DGKD: variants seen among roughly 807,000 people sequenced by gnomAD.
DGKD encodes the protein diacylglycerol kinase delta, also known as DAG kinase delta.
In DGKD, 68 loss-of-function variants were observed where a neutral mutation model predicts 154.4. That is an observed-to-expected ratio of 0.44 (90% CI 0.36 to 0.54). The LOEUF (loss-of-function observed/expected upper bound fraction) is 0.54. DGKD is among the 20% of genes least tolerant of loss of function. The pLI, the probability that DGKD is intolerant of heterozygous loss-of-function variation, is 0.00. For synonymous variants in DGKD, 693 were observed against 638.0 expected, an observed-to-expected ratio of 1.09 and a Z score of -1.30; for missense variants, 1,343 against 1,593.6, an observed-to-expected ratio of 0.84 and a Z score of 2.68.
chr2:233,448,347 C>T lies in DGKD; in HGVS notation c.1586C>T (p.Ser529Leu), dbSNP rs1214798620. The T allele has an allele frequency of 9.3e-6, 15 of 1,613,896 alleles. 1 individual carries two copies. The highest frequency in any genetic ancestry group is 4.5e-5 in the East Asian group (2 of 44,890). The change falls in exon 14 of 30, where the codon TCG becomes TTG. Residue 529 changes from serine (S) to leucine (L), a missense_variant. Around this residue, in one of 6 missense-constraint regions of DGKD, gnomAD observed 409 missense variants for 446.0 expected, o/e 0.92. Coordinates refer to ENST00000264057, the MANE Select transcript of DGKD (RefSeq NM_152879.3). Reference protein sequence around the residue: ...GKAYEKTTESSEESEVMAKKC... With the variant: ...GKAYEKTTESLEESEVMAKKC... ...GCCTATGAGAAGACGACCGAGAGCTCGGAGGAGTCAGAGGTCATGGCCAAG... is the reference window on the plus strand; with the variant it reads ...GCCTATGAGAAGACGACCGAGAGCTTGGAGGAGTCAGAGGTCATGGCCAAG...
chr2:233,369,098 G>C (rs143066237), intron 1 of DGKD, among the ~76,000 whole-genome samples: 3,013 of 152,324 alleles, frequency 0.02, 48 homozygotes, highest in Non-Finnish European at 0.029. Flanking sequence ...CTTTCTGTGA[G>C]GAAGGCTTTT....
chr2:233,429,514 C>T (rs2125573588), intron 3 of DGKD, among the ~76,000 whole-genome samples: 1 of 152,302 alleles, frequency 6.6e-6, no homozygotes, highest in African/African-American at 2.4e-5. Flanking sequence ...GTCCCACTCT[C>T]AGGGCCCACT....
chr2:233,373,403 T>C (rs1702420087), intron 1 of DGKD, among the ~76,000 whole-genome samples: 1 of 152,236 alleles, frequency 6.6e-6, no homozygotes, highest in Admixed American at 6.5e-5. Context: ...AAAATGAGCA[T>C]GTATTATTTT....
chr2:233,461,229 C>G (rs914939573), intron 24 of DGKD, among the ~76,000 whole-genome samples: 10 of 152,242 alleles, frequency 6.6e-5, no homozygotes, highest in East Asian at 5.8e-4. Flanking sequence ...GCATTCTCCC[C>G]CCGTGGCCGC....
intron 1 of DGKD, among the ~76,000 whole-genome samples, chr2:233,358,003 A>G (rs1701607914): frequency 6.6e-6 from 1 of 152,242 alleles, no homozygotes; most frequent in Non-Finnish European, 1.5e-5. Context: ...TGATGTGTGC[A>G]GATTTGTGAT....
rs41270763 is a variant in DGKD at position 233,446,932 on chromosome 2, C to T, written c.1419+136C>T. 1.2e-3 allele frequency: 1,258 copies of T among 1,013,228 alleles called. No individual in the cohort carries two copies. The highest frequency in any genetic ancestry group is 1.6e-3 in the Non-Finnish European group (1,138 of 695,800). 62.8% of individuals were successfully genotyped at this position (1,013,228 alleles called of 1,614,324 possible). A position where few individuals can be genotyped will look rare whatever the true frequency, so the allele number is the denominator to read the frequency against. On this transcript the variant is annotated intron_variant, in intron 12 of 29. Transcript: ENST00000264057. ...GGTGTCACAGTCAGGCCTGCGGAGG[C>T]GCAGGGTGAACCCATGGCTGAGAGG...
At chr2:233,371,811 C>T (rs1460458706) in intron 1 of DGKD, among the ~76,000 whole-genome samples, 2 of 152,176 alleles carry the variant, frequency 1.3e-5, no homozygotes, top group African/African-American at 4.8e-5. Context: ...TTGGAGTCTG[C>T]CTCCCCAGCT....
At chr2:233,436,510 C>G (rs934636532) in intron 7 of DGKD, 69 bp downstream of exon 7, 3 of 1,551,080 alleles carry the variant, frequency 1.9e-6, no homozygotes, top group Non-Finnish European at 2.6e-6. Context: ...GCGGGCCTTG[C>G]GGCTCCGCAT....
intron 10 of DGKD, among the ~76,000 whole-genome samples, chr2:233,443,558 T>C (rs2062966461): frequency 1.3e-5 from 2 of 152,168 alleles, no homozygotes; most frequent in Admixed American, 1.3e-4. Context: ...TTTTCTTATG[T>C]TTATTATGGC....
At chr2:233,388,577 TTTC>T (rs1412879839) in intron 2 of DGKD, 4 of 471,948 alleles carry the variant, frequency 8.5e-6, no homozygotes, top group Middle Eastern at 5.6e-4. Flanking sequence ...TCATTTTCCT[TTTC>T]TTTAATGTCA....
At position 233,439,728 on chromosome 2, in the gene DGKD, A is replaced by AT. The variant is rs201388573; in HGVS notation, c.1085+1361dup. On this transcript the variant is annotated intron_variant, in intron 9 of 29. Transcript: ENST00000264057. Reference sequence around the variant, plus strand: ...AGGTGTGTACCACTATGCCCAGCTAATTTTTTTTTTTTATGTTTTGTTGAG... The same window carrying AT: ...AGGTGTGTACCACTATGCCCAGCTAATTTTTTTTTTTTTATGTTTTGTTGAG... Among the ~76,000 whole-genome samples, 485 of 146,768 alleles carry AT rather than the reference A, an allele frequency of 3.3e-3. 2 individuals carry two copies. The highest frequency in any genetic ancestry group is 6.9e-3 in the African/African-American group (279 of 40,148).
chr2:233,456,437 A>G (rs1322949786), intron 19 of DGKD, among the ~76,000 whole-genome samples: 1 of 152,230 alleles, frequency 6.6e-6, no homozygotes, highest in African/African-American at 2.4e-5. Flanking sequence ...GACTGAGGAA[A>G]TACATAGCAG....
chr2:233,410,962 T>A (rs2061813725), intron 3 of DGKD, among the ~76,000 whole-genome samples: 1 of 152,220 alleles, frequency 6.6e-6, no homozygotes, highest in Non-Finnish European at 1.5e-5. Context: ...GCTATATAAA[T>A]TGAGTAATGC....
In DGKD at chr2:233,458,276, C is replaced by T. The variant is rs377568775; in HGVS notation, c.2581-8C>T. Reference sequence around the variant, plus strand: ...GAGTGGTGGTCAGCTCTAACGTGTCCCTTGCAGACTTTCGCAGCTCCATCA... The same window carrying T: ...GAGTGGTGGTCAGCTCTAACGTGTCTCTTGCAGACTTTCGCAGCTCCATCA... On this transcript the variant is annotated splice_region_variant and splice_polypyrimidine_tract_variant and intron_variant, in intron 21 of 29. Transcript: ENST00000264057. The surrounding 1 kb of genome is among the most constrained non-coding windows in gnomAD (Gnocchi z 6.6). 3.7e-6 allele frequency: 6 copies of T among 1,602,700 alleles called. No individual in the cohort carries two copies. The African/African-American group carries it at 5.3e-5, about 14-fold the overall frequency.
rs2063566500 is a variant in DGKD at position 233,459,790 on chromosome 2, G to A, written c.2728G>A (p.Glu910Lys). 1 of 1,613,916 alleles carries A rather than the reference G, an allele frequency of 6.2e-7. No individual in the cohort carries two copies. Residue 910 changes from glutamate (E) to lysine (K), a missense_variant, in exon 23 of 30, where the codon GAG becomes AAG. Physicochemically the swap from Glu to Lys is moderately conservative, Grantham distance 56. Coordinates refer to ENST00000264057, the MANE Select transcript of DGKD (RefSeq NM_152879.3). The surrounding 1 kb of genome is among the most constrained non-coding windows in gnomAD (Gnocchi z 5.7). ...RTVKISILGD[E>K]GVPVQVDGEA... ...GGTGAAGATCTCCATCCTTGGGGAT[G>A]AGGGCGTGCCTGTGCAGGTGGACGG...
intron 5 of DGKD, 127 bp downstream of exon 5, chr2:233,435,028 A>G: frequency 7.6e-7 from 1 of 1,315,102 alleles, no homozygotes. Context: ...TCAAGGGCAC[A>G]GCGATTTCTG....
intron 3 of DGKD, chr2:233,419,474 G>C (rs1396176204): frequency 1.0e-6 from 1 of 982,266 alleles, no homozygotes; most frequent in Admixed American, 6.1e-5. Flanking sequence ...GTTGGGTGGT[G>C]AGTTCAAGGT....
intron 3 of DGKD, among the ~76,000 whole-genome samples, chr2:233,418,114 A>G (rs903938199): frequency 1.8e-4 from 27 of 152,314 alleles, no homozygotes; most frequent in African/African-American, 6.5e-4. Context: ...TTATTACTTC[A>G]TGAACATCTT....
chr2:233,361,891 G>A (rs1244014498), intron 1 of DGKD, among the ~76,000 whole-genome samples: 1 of 152,132 alleles, frequency 6.6e-6, no homozygotes, highest in Non-Finnish European at 1.5e-5. Context: ...TGCCTCCTGG[G>A]TTCAAGCAAT....
Sources: allele counts gnomAD v4.1 joint callset (sites outside exome capture counted in the v4.1 genomes callset), GRCh38; gene constraint gnomAD v4.1.1; regional missense constraint gnomAD v4.1.1; non-coding constraint Gnocchi (gnomAD v3.1); transcripts MANE v1.5; gene names NCBI Gene and HGNC (gene_info 2026-07-23, HGNC 2026-07-21).